LRRC7: variants seen among roughly 807,000 people sequenced by gnomAD.
The protein encoded by LRRC7 is leucine rich repeat containing 7.
Under a neutral mutation model 175.7 loss-of-function variants are expected in LRRC7, and 23 were observed. That is an observed-to-expected ratio of 0.13 (90% CI 0.09 to 0.19). The LOEUF (loss-of-function observed/expected upper bound fraction) is 0.19, where lower values mean the gene tolerates loss of function less well. Among genes scored for constraint, LRRC7 ranks in the 10% least tolerant of loss-of-function variants. The pLI is 1.00. For synonymous variants in LRRC7, 685 were observed against 680.9 expected, an observed-to-expected ratio of 1.01 and a Z score of -0.09; for missense variants, 1,354 against 1,904.7, an observed-to-expected ratio of 0.71 and a Z score of 5.38.
chr1:69,838,101 A>G, intron 6 of LRRC7, 126 bp from the exon 7 acceptor site: 1 of 577,298 alleles, frequency 1.7e-6, no homozygotes, highest in East Asian at 3.1e-5. Flanking sequence ...CTACTTTTTT[A>G]GTTATTTTTA....
chr1:69,887,953 C>G (rs373035451), intron 7 of LRRC7, among the ~76,000 whole-genome samples: 1 of 141,982 alleles, frequency 7.0e-6, no homozygotes, highest in African/African-American at 2.7e-5. Flanking sequence ...CAGGGACCCA[C>G]TTGAGGAGGC....
At chr1:69,949,516 G>A (rs1649696810) in intron 8 of LRRC7, among the ~76,000 whole-genome samples, 1 of 151,990 alleles carries the variant, frequency 6.6e-6, no homozygotes, top group Non-Finnish European at 1.5e-5. Context: ...GAGATTGCGT[G>A]GCTCCACTGC....
intron 7 of LRRC7, among the ~76,000 whole-genome samples, chr1:69,886,238 A>T (rs1396792926): frequency 5.3e-5 from 8 of 151,682 alleles, no homozygotes; most frequent in African/African-American, 1.7e-4. Flanking sequence ...CCCATTGTTA[A>T]TGTGTGGGAG....
rs1476892310 is a variant in LRRC7 at position 69,578,823 on chromosome 1, A to G, written c.2+10182A>G. Among the ~76,000 whole-genome samples the G allele has an allele frequency of 5.4e-5, 8 of 147,470 alleles. No homozygotes were observed. In the East Asian group the frequency reaches 1.3e-3, roughly 23 times the overall value. The stretch of plus-strand genomic sequence containing the variant: ...GGGGGGAGGGGGGAGGGATAGCATT[A>G]GGAGATATACCTAATGCTAAATGAC... On this transcript the variant is annotated intron_variant, in intron 1 of 26. Transcript: ENST00000651989.
chr1:70,048,207 G>A (rs979388069), intron 22 of LRRC7, among the ~76,000 whole-genome samples: 1 of 152,018 alleles, frequency 6.6e-6, no homozygotes, highest in Non-Finnish European at 1.5e-5. Flanking sequence ...ATGGTAGAAT[G>A]GATAGATATT....
intron 3 of LRRC7, among the ~76,000 whole-genome samples, chr1:69,760,751 GT>G (rs1385339307): frequency 4.6e-5 from 7 of 152,002 alleles, no homozygotes; most frequent in African/African-American, 1.7e-4. Context: ...AAATTTCTAT[GT>G]TGTATATTAA....
chr1:69,773,403 A>G (rs1309328465), intron 3 of LRRC7, among the ~76,000 whole-genome samples: 2 of 152,164 alleles, frequency 1.3e-5, no homozygotes, highest in East Asian at 1.9e-4. Context: ...TGTTCAAACC[A>G]TAGAGGTTCC....
chr1:69,927,952 G>T (rs915328859), intron 7 of LRRC7, among the ~76,000 whole-genome samples: 4 of 152,026 alleles, frequency 2.6e-5, no homozygotes. Flanking sequence ...TCTACTTTTG[G>T]TCTTTGATGA....
chr1:69,966,194 A>T (rs1272987216), intron 8 of LRRC7, among the ~76,000 whole-genome samples: 1 of 152,166 alleles, frequency 6.6e-6, no homozygotes, highest in African/African-American at 2.4e-5. Flanking sequence ...TAAAAATTTT[A>T]TTGGCCAATT....
chr1:69,749,419 A>T (rs1669588529), intron 2 of LRRC7, among the ~76,000 whole-genome samples: 1 of 152,176 alleles, frequency 6.6e-6, no homozygotes. Context: ...AAGATTTTTA[A>T]AAAGAAGACA....
chr1:69,862,735 G>T (rs72676811), intron 7 of LRRC7, among the ~76,000 whole-genome samples: 2,414 of 152,130 alleles, frequency 0.016, 32 homozygotes, highest in Non-Finnish European at 0.023. Context: ...TGGGGTACAT[G>T]TGCGGAATGT....
At chr1:69,948,334 G>C (rs1649559994) in intron 8 of LRRC7, among the ~76,000 whole-genome samples, 1 of 152,060 alleles carries the variant, frequency 6.6e-6, no homozygotes, top group South Asian at 2.1e-4. Flanking sequence ...TTGTGTCACT[G>C]TTTACTGTCC....
At chr1:69,615,317 T>C (rs1649439726) in intron 1 of LRRC7, among the ~76,000 whole-genome samples, 1 of 152,026 alleles carries the variant, frequency 6.6e-6, no homozygotes, top group Admixed American at 6.6e-5. Context: ...CAACAACAGT[T>C]CTGATCAATG....
chr1:70,036,021 A>G (rs919262025), intron 18 of LRRC7, 100 bp from the exon 19 acceptor site: 1 of 801,538 alleles, frequency 1.2e-6, no homozygotes, highest in Non-Finnish European at 2.0e-6. Context: ...TGAATTCTAG[A>G]GTCACATTTT....
chr1:69,981,491 A>G (rs920280126), intron 9 of LRRC7, among the ~76,000 whole-genome samples: 2 of 152,232 alleles, frequency 1.3e-5, no homozygotes, highest in East Asian at 3.8e-4. Context: ...ATGCACATCT[A>G]TTGTTCACTG....
chr1:69,765,818 C>G (rs920703118), intron 3 of LRRC7, among the ~76,000 whole-genome samples: 14 of 152,052 alleles, frequency 9.2e-5, no homozygotes, highest in Non-Finnish European at 1.6e-4. Flanking sequence ...TTCAGACATT[C>G]TATCTAGACT....
At chr1:69,619,780 G>T (rs1458048287) in intron 1 of LRRC7, among the ~76,000 whole-genome samples, 1 of 152,160 alleles carries the variant, frequency 6.6e-6, no homozygotes, top group East Asian at 1.9e-4. Flanking sequence ...GATAAGATTG[G>T]TGGTGAGATT....
intron 5 of LRRC7, among the ~76,000 whole-genome samples, chr1:69,826,806 A>C (rs1011262953): frequency 6.6e-6 from 1 of 152,100 alleles, no homozygotes; most frequent in Non-Finnish European, 1.5e-5. Context: ...GACATAAATA[A>C]ATTTGTCAAA....
chr1:69,706,704 G>C (rs1664079164), intron 2 of LRRC7, among the ~76,000 whole-genome samples: 1 of 152,128 alleles, frequency 6.6e-6, no homozygotes, highest in South Asian at 2.1e-4. Flanking sequence ...TCTGAGGCAG[G>C]AAGCAGGAAC....
Sources: allele counts gnomAD v4.1 joint callset (sites outside exome capture counted in the v4.1 genomes callset), GRCh38; gene constraint gnomAD v4.1.1; transcripts MANE v1.5; gene names NCBI Gene and HGNC (gene_info 2026-07-23, HGNC 2026-07-21).